Variants in PPP1R12A observed in about 807,000 individuals in gnomAD.
The protein encoded by PPP1R12A is protein phosphatase 1 regulatory subunit 12A.
Under a neutral mutation model 139.6 loss-of-function variants are expected in PPP1R12A, and 19 were observed. The observed-to-expected ratio is 0.14, with a 90% CI of 0.09 to 0.20. The LOEUF (loss-of-function observed/expected upper bound fraction) is 0.20, where lower values mean the gene tolerates loss of function less well. PPP1R12A is among the 10% of genes least tolerant of loss of function. The pLI is 1.00. For synonymous variants in PPP1R12A, 427 were observed against 420.6 expected, an observed-to-expected ratio of 1.02 and a Z score of -0.19; for missense variants, 925 against 1,211.5, an observed-to-expected ratio of 0.76 and a Z score of 3.51.
At position 79,797,241 on chromosome 12, in the gene PPP1R12A, G is replaced by A; in HGVS notation, c.2246C>T (p.Ser749Phe). The A allele has an allele frequency of 1.9e-6, 3 of 1,589,358 alleles. No homozygotes were observed. The highest frequency in any genetic ancestry group is 2.6e-6 in the Non-Finnish European group (3 of 1,167,058). ...KQEEKKESETSREDEYKQKYS... is the reference protein window; with the variant it reads ...KQEEKKESETFREDEYKQKYS... ...CTTTTGTTTATATTCATCTTCTCTA[G>A]ATGTTTCTGACTCCTTCTTTTCTTC... The change falls in exon 16 of 25, where the codon TCT becomes TTT. Residue 749 changes from serine to phenylalanine, a missense_variant. Transcript: ENST00000450142.
intron 1 of PPP1R12A, among the ~76,000 whole-genome samples, chr12:79,880,588 A>G (rs571405457): frequency 6.6e-6 from 1 of 152,314 alleles, no homozygotes; most frequent in African/African-American, 2.4e-5. Context: ...AGTAGGAGAA[A>G]GTAGAAAAAA....
chr12:79,826,317 A>G (rs1269607554), intron 5 of PPP1R12A, among the ~76,000 whole-genome samples: 1 of 149,406 alleles, frequency 6.7e-6, no homozygotes, highest in Non-Finnish European at 1.5e-5. Flanking sequence ...CTATGTAAAT[A>G]TGAGGCACAA....
At chr12:79,921,292 G>A (rs1180883890) in intron 1 of PPP1R12A, among the ~76,000 whole-genome samples, 1 of 151,996 alleles carries the variant, frequency 6.6e-6, no homozygotes, top group Non-Finnish European at 1.5e-5. Context: ...GATCATGTAA[G>A]AAGGAGGACA....
At chr12:79,805,881 G>A (rs569927301) in intron 13 of PPP1R12A, 113 bp from the exon 14 acceptor site, 4 of 1,165,866 alleles carry the variant, frequency 3.4e-6, no homozygotes, top group South Asian at 1.7e-5. Context: ...TTTTTAAAAC[G>A]CAAGGTGAGA....
intron 1 of PPP1R12A, among the ~76,000 whole-genome samples, chr12:79,896,629 G>A (rs1468582973): frequency 6.6e-6 from 1 of 152,180 alleles, no homozygotes; most frequent in African/African-American, 2.4e-5. Context: ...ACTGAGGCCA[G>A]TGCAAAATAT....
At position 79,775,874 on chromosome 12, in the gene PPP1R12A, T is replaced by C. The variant is rs1869653219; in HGVS notation, c.*55A>G. On this transcript the variant is annotated 3_prime_UTR_variant, in exon 25 of 25. Coordinates refer to ENST00000450142, the MANE Select transcript of PPP1R12A (RefSeq NM_002480.3). ...CCAGACTTCCAGTGACTGCCAATTATGGTCCACTGGGTTACTAATATGTGC... is the reference window on the plus strand; with the variant it reads ...CCAGACTTCCAGTGACTGCCAATTACGGTCCACTGGGTTACTAATATGTGC... The C allele has an allele frequency of 7.2e-6, 9 of 1,256,232 alleles. No homozygotes were observed. 77.8% of individuals were successfully genotyped at this position (1,256,232 alleles called of 1,614,324 possible).
intron 21 of PPP1R12A, chr12:79,788,091 C>T (rs956256396): frequency 2.0e-5 from 3 of 152,510 alleles, no homozygotes; most frequent in African/African-American, 4.8e-5. Context: ...GTTCCCCTAA[C>T]TTGGCTTTTA....
intron 4 of PPP1R12A, among the ~76,000 whole-genome samples, chr12:79,828,692 T>C (rs1391678032): frequency 6.6e-6 from 1 of 152,118 alleles, no homozygotes; most frequent in East Asian, 1.9e-4. Flanking sequence ...TTTTAATTAA[T>C]TCCTAATGAC....
At chr12:79,807,439 G>A (rs1873966563) in intron 11 of PPP1R12A, 109 bp from the exon 12 acceptor site, 1 of 677,198 alleles carries the variant, frequency 1.5e-6, no homozygotes, top group Non-Finnish European at 2.5e-6. Flanking sequence ...AAACCTTTGG[G>A]AGGACACTTA....
chr12:79,927,567 T>C (rs1482419597), intron 1 of PPP1R12A, among the ~76,000 whole-genome samples: 1 of 152,198 alleles, frequency 6.6e-6, no homozygotes, highest in Non-Finnish European at 1.5e-5. Context: ...AACACCACCA[T>C]AATGATGAAA....
chr12:79,842,260 T>C (rs1454415054), intron 3 of PPP1R12A, among the ~76,000 whole-genome samples: 4 of 152,124 alleles, frequency 2.6e-5, no homozygotes, highest in Admixed American at 6.5e-5. Flanking sequence ...GTTGAGGCTA[T>C]AGTGAGCCAT....
chr12:79,777,408 T>C (rs771082397), intron 24 of PPP1R12A: 4 of 984,886 alleles, frequency 4.1e-6, no homozygotes, highest in Non-Finnish European at 4.8e-6. Flanking sequence ...TTATATGATA[T>C]GCTCCAGACA....
At chr12:79,839,987 A>G (rs981799918) in intron 3 of PPP1R12A, among the ~76,000 whole-genome samples, 1 of 152,324 alleles carries the variant, frequency 6.6e-6, no homozygotes, top group Non-Finnish European at 1.5e-5. Flanking sequence ...AAGATATGCT[A>G]TATAAATTTA....
At chr12:79,920,598 GC>G (rs1267533459) in intron 1 of PPP1R12A, among the ~76,000 whole-genome samples, 3 of 152,192 alleles carry the variant, frequency 2.0e-5, no homozygotes, top group African/African-American at 7.2e-5. Context: ...GGAGGTGACT[GC>G]ATCAGGAGGG....
intron 2 of PPP1R12A, among the ~76,000 whole-genome samples, chr12:79,866,063 C>G (rs1881926465): frequency 6.6e-6 from 1 of 152,040 alleles, no homozygotes; most frequent in African/African-American, 2.4e-5. Context: ...ACCTGACTTC[C>G]AAACTTTACT....
At chr12:79,781,167 T>C (rs1565734815) in intron 23 of PPP1R12A, among the ~76,000 whole-genome samples, 1 of 152,126 alleles carries the variant, frequency 6.6e-6, no homozygotes, top group Non-Finnish European at 1.5e-5. Context: ...GCTAAACTTG[T>C]ACAGTTATTC....
At chr12:79,922,971 G>A (rs766581264) in intron 1 of PPP1R12A, among the ~76,000 whole-genome samples, 6 of 152,076 alleles carry the variant, frequency 3.9e-5, no homozygotes, top group East Asian at 3.9e-4. Context: ...TGTGATGAGC[G>A]AGTAAAAATG....
chr12:79,863,670 AAG>A lies in PPP1R12A; in HGVS notation c.368+9136_368+9137del, dbSNP rs1257357159. ...AAAAAAAAAAAAAAAAAAAAAAAAA[AAG>A]AGCAGGGGTTGCAATCCTGGTCTCT... On this transcript the variant is annotated intron_variant, in intron 2 of 24. Transcript: ENST00000450142. Among the ~76,000 whole-genome samples the A allele has an allele frequency of 1.5e-3, 153 of 101,690 alleles. 3 individuals are homozygous for A. The highest frequency in any genetic ancestry group is 5.3e-3 in the African/African-American group (146 of 27,712). 66.7% of individuals were successfully genotyped at this position (101,690 alleles called of 152,430 possible). A position where few individuals can be genotyped will look rare whatever the true frequency, so the allele number is the denominator to read the frequency against.
At position 79,880,059 on chromosome 12, in the gene PPP1R12A, G is replaced by A. The variant is rs185986427; in HGVS notation, c.238-7121C>T. ...GAATTCTAGCATATTCTCTGTTTAC[G>A]GCTAAATATCACTAATTCCTTTAGC... On this transcript the variant is annotated intron_variant, in intron 1 of 24. Transcript: ENST00000450142. Among the ~76,000 whole-genome samples, 89 of 151,884 alleles carry A rather than the reference G, an allele frequency of 5.9e-4. 1 individual carries two copies. The highest frequency in any genetic ancestry group is 1.9e-3 in the African/African-American group (80 of 41,400).
Sources: gnomAD v4.1 joint callset for allele counts (sites outside exome capture counted in the v4.1 genomes callset) on GRCh38, gnomAD v4.1.1 for gene constraint, MANE v1.5 for transcripts, NCBI Gene and HGNC (gene_info 2026-07-23, HGNC 2026-07-21) for gene names.